Variants in ATG10 observed in about 807,000 individuals in gnomAD.
The protein encoded by ATG10 is autophagy related 10.
Under a neutral mutation model 32.1 loss-of-function variants are expected in ATG10, and 30 were observed. The observed-to-expected ratio is 0.94, with a 90% CI of 0.70 to 1.27. The LOEUF (loss-of-function observed/expected upper bound fraction) is 1.27. ATG10 is among the 50% of genes most tolerant of loss of function. ATG10 has a pLI of 0.00. For missense variants in ATG10, 233 were observed against 262.3 expected (o/e 0.89, Z 0.77); for synonymous variants, 87 against 91.5 (o/e 0.95, Z 0.28).
chr5:82,035,994 A>G (rs943633308), intron 2 of ATG10, among the ~76,000 whole-genome samples: 7 of 152,024 alleles, frequency 4.6e-5, no homozygotes, highest in East Asian at 3.8e-4. Flanking sequence ...TACAACTTCA[A>G]AATTGGAAAA....
intron 2 of ATG10, among the ~76,000 whole-genome samples, chr5:81,993,360 C>CTTCCTTCT (rs1761535147): frequency 1.1e-4 from 5 of 46,798 alleles, no homozygotes; most frequent in African/African-American, 2.7e-4. Context: ...TCTTTCTTTC[C>CTTCCTTCT]TTCTTTTCTT....
intron 3 of ATG10, among the ~76,000 whole-genome samples, chr5:82,096,175 C>A (rs1765057571): frequency 6.6e-6 from 1 of 152,212 alleles, no homozygotes; most frequent in Non-Finnish European, 1.5e-5. Context: ...GTGCTACAGT[C>A]TGTCTGGGTT....
chr5:82,224,211 A>T (rs75596523), intron 5 of ATG10, among the ~76,000 whole-genome samples: 1 of 152,170 alleles, frequency 6.6e-6, no homozygotes, highest in African/African-American at 2.4e-5. Flanking sequence ...AGTCTGATAG[A>T]TGATAATGCT....
At position 82,254,228 on chromosome 5, in the gene ATG10, T is replaced by C. The variant is rs941660123; in HGVS notation, c.*165T>C. On this transcript the variant is annotated 3_prime_UTR_variant, in exon 8 of 8. Coordinates refer to ENST00000282185, the MANE Select transcript of ATG10 (RefSeq NM_031482.5). Reference sequence around the variant, plus strand: ...CACAAATGTCTACAGCAACTGGTGTTTGATAGGCTGAATGTTTAGAAGAAA... The same window carrying C: ...CACAAATGTCTACAGCAACTGGTGTCTGATAGGCTGAATGTTTAGAAGAAA... 5.9e-5 allele frequency: 9 copies of C among 152,300 alleles called. No individual in the cohort carries two copies. Among genetic ancestry groups the C allele is most frequent in the African/African-American group, 2.2e-4 (9 of 41,574 alleles). The allele number at this position is 152,300 out of a possible 1,614,324, so 9.4% of individuals were successfully genotyped here.
intron 3 of ATG10, chr5:82,147,907 C>T (rs1767431400): frequency 6.6e-6 from 1 of 152,466 alleles, no homozygotes; most frequent in East Asian, 1.9e-4. Flanking sequence ...AAATCACTTG[C>T]TCCAGGTGTT....
intron 2 of ATG10, among the ~76,000 whole-genome samples, chr5:82,016,271 G>C (rs556168127): frequency 8.3e-4 from 127 of 152,174 alleles, no homozygotes; most frequent in African/African-American, 3.0e-3. Context: ...TGAGAGAGAG[G>C]CGAGGATCCA....
chr5:82,171,340 AT>A lies in ATG10; in HGVS notation c.355+6804del, dbSNP rs760703405. Among the ~76,000 whole-genome samples, 195 of 152,370 alleles carry A rather than the reference AT, an allele frequency of 1.3e-3. 4 individuals carry two copies. Among genetic ancestry groups the A allele is most frequent in the Admixed American group, 6.5e-4 (10 of 15,306 alleles). ...TCATGTAATTAAAAACCATGTTAAC[AT>A]CTATTTTTTCTATTCAAGACTGCTA... On this transcript the variant is annotated intron_variant, in intron 4 of 7. Coordinates refer to ENST00000282185, the MANE Select transcript of ATG10 (RefSeq NM_031482.5).
intron 4 of ATG10, among the ~76,000 whole-genome samples, chr5:82,173,244 A>G (rs904744434): frequency 1.3e-5 from 2 of 152,198 alleles, no homozygotes; most frequent in Non-Finnish European, 2.9e-5. Flanking sequence ...TGCTGGTGAA[A>G]TATCTCATGC....
intron 1 of ATG10, among the ~76,000 whole-genome samples, chr5:81,975,021 A>G (rs1039939858): frequency 6.6e-6 from 1 of 152,170 alleles, no homozygotes; most frequent in African/African-American, 2.4e-5. Context: ...CCTTAGGTCA[A>G]ATTACTACAC....
chr5:82,105,095 G>A (rs1159324197), intron 3 of ATG10, among the ~76,000 whole-genome samples: 3 of 152,062 alleles, frequency 2.0e-5, no homozygotes, highest in African/African-American at 7.2e-5. Context: ...CCTGGTTAAT[G>A]GCTTTCTTCT....
At chr5:82,180,572 G>A (rs1052104395) in intron 5 of ATG10, among the ~76,000 whole-genome samples, 9 of 152,156 alleles carry the variant, frequency 5.9e-5, no homozygotes, top group Non-Finnish European at 1.3e-4. Flanking sequence ...CCAGCTTCTA[G>A]TGTCTTGTCA....
intron 3 of ATG10, among the ~76,000 whole-genome samples, chr5:82,070,642 T>A (rs1764102075): frequency 6.6e-6 from 1 of 152,168 alleles, no homozygotes; most frequent in Non-Finnish European, 1.5e-5. Context: ...CTTTCTTACT[T>A]AGTCTTGACC....
chr5:82,099,683 A>G (rs1026879930), intron 3 of ATG10, among the ~76,000 whole-genome samples: 9 of 152,192 alleles, frequency 5.9e-5, no homozygotes, highest in Admixed American at 5.9e-4. Context: ...TTAATTTAGC[A>G]TAGTATTACA....
intron 3 of ATG10, among the ~76,000 whole-genome samples, chr5:82,152,464 G>A (rs60733727): frequency 0.19 from 28,752 of 152,204 alleles, 3,121 homozygotes; most frequent in Middle Eastern, 0.28. Flanking sequence ...ACATTTTGAG[G>A]TGCTAACTTT....
At chr5:82,060,881 A>C (rs1763745363) in intron 3 of ATG10, among the ~76,000 whole-genome samples, 1 of 152,226 alleles carries the variant, frequency 6.6e-6, no homozygotes, top group Non-Finnish European at 1.5e-5. Context: ...TGTTAAGTGA[A>C]AAAAAGGTAG....
At chr5:82,209,432 G>A (rs932850023) in intron 5 of ATG10, among the ~76,000 whole-genome samples, 2 of 152,120 alleles carry the variant, frequency 1.3e-5, no homozygotes, top group African/African-American at 4.8e-5. Flanking sequence ...TCATTAAAGG[G>A]ATCTCAGAGA....
intron 3 of ATG10, among the ~76,000 whole-genome samples, chr5:82,115,079 T>C (rs1000977120): frequency 6.6e-6 from 1 of 152,076 alleles, no homozygotes; most frequent in Non-Finnish European, 1.5e-5. Flanking sequence ...GAGGTTTGTA[T>C]TGAATGGAGT....
intron 3 of ATG10, among the ~76,000 whole-genome samples, chr5:82,086,946 G>C (rs1051156542): frequency 6.6e-6 from 1 of 152,212 alleles, no homozygotes; most frequent in Middle Eastern, 3.4e-3. Flanking sequence ...CTGTATATTT[G>C]TAAGAGTTTT....
intron 1 of ATG10, among the ~76,000 whole-genome samples, chr5:81,982,560 C>G (rs151106630): frequency 2.0e-3 from 307 of 150,642 alleles, no homozygotes; most frequent in African/African-American, 6.8e-3. Flanking sequence ...TTTTTTTCCC[C>G]TTTTATTTAT....
Sources: allele counts gnomAD v4.1 joint callset (sites outside exome capture counted in the v4.1 genomes callset), GRCh38; gene constraint gnomAD v4.1.1; transcripts MANE v1.5; gene names NCBI Gene and HGNC (gene_info 2026-07-23, HGNC 2026-07-21).